The following OXR1 variants were observed in gnomAD, a reference collection of about 807,000 sequenced individuals.
OXR1 encodes the protein oxidation resistance 1, also known as oxidation resistance protein 1.
OXR1 carries 41 observed loss-of-function variants against 104.6 expected under a neutral mutation model. That is an observed-to-expected ratio of 0.39 (90% CI 0.31 to 0.51). The LOEUF (loss-of-function observed/expected upper bound fraction) is 0.51, where lower values mean the gene tolerates loss of function less well. Among genes scored for constraint, OXR1 ranks in the 20% least tolerant of loss-of-function variants. OXR1 has a pLI of 0.77. For synonymous variants in OXR1, 348 were observed against 348.4 expected (o/e 1.00, Z 0.01); for missense variants, 955 against 1,031.9 (o/e 0.93, Z 1.02).
At chr8:106,377,608 A>G (rs1816960433) in intron 2 of OXR1, among the ~76,000 whole-genome samples, 1 of 152,170 alleles carries the variant, frequency 6.6e-6, no homozygotes, top group Non-Finnish European at 1.5e-5. Context: ...GCCATGTTCT[A>G]TTTGCTAATC....
At chr8:106,675,140 C>A (rs961837094) in intron 3 of OXR1, among the ~76,000 whole-genome samples, 1 of 152,062 alleles carries the variant, frequency 6.6e-6, no homozygotes, top group Non-Finnish European at 1.5e-5. Context: ...TTTGTATGAG[C>A]CTAATAACAT....
intron 6 of OXR1, among the ~76,000 whole-genome samples, chr8:106,689,936 G>T (rs1829109716): frequency 6.6e-6 from 1 of 151,582 alleles, no homozygotes; most frequent in Admixed American, 6.6e-5. Flanking sequence ...CTGTGCTTCA[G>T]GAATTGCTTT....
chr8:106,286,838 A>G (rs750906964), intron 1 of OXR1, among the ~76,000 whole-genome samples: 2 of 152,236 alleles, frequency 1.3e-5, no homozygotes, highest in African/African-American at 2.4e-5. Context: ...AATGGTCTCT[A>G]ACATGAATAA....
At chr8:106,342,185 C>T (rs1257973617) in intron 1 of OXR1, among the ~76,000 whole-genome samples, 1 of 151,790 alleles carries the variant, frequency 6.6e-6, no homozygotes, top group Non-Finnish European at 1.5e-5. Flanking sequence ...CCGTCTATAT[C>T]CTTAATCTGA....
chr8:106,476,539 T>C (rs1456768249), intron 2 of OXR1, among the ~76,000 whole-genome samples: 3 of 151,944 alleles, frequency 2.0e-5, no homozygotes, highest in African/African-American at 7.2e-5. Context: ...TTCCTGCCTT[T>C]AATCCTGGTG....
At chr8:106,271,223 A>G (rs1045577321) in intron 1 of OXR1, among the ~76,000 whole-genome samples, 2 of 152,006 alleles carry the variant, frequency 1.3e-5, no homozygotes, top group Non-Finnish European at 2.9e-5. Context: ...TCTGAGGTTC[A>G]CTTTCACCCC....
At chr8:106,540,091 C>T (rs1205003914) in intron 3 of OXR1, among the ~76,000 whole-genome samples, 1 of 152,120 alleles carries the variant, frequency 6.6e-6, no homozygotes, top group Non-Finnish European at 1.5e-5. Context: ...AACACTTGGA[C>T]TAGCAGCAAT....
At chr8:106,670,085 G>A (rs1405476657) in intron 3 of OXR1, among the ~76,000 whole-genome samples, 2 of 152,092 alleles carry the variant, frequency 1.3e-5, no homozygotes, top group Non-Finnish European at 2.9e-5. Context: ...GGAACTGAGA[G>A]ACCAAAAGGT....
At chr8:106,727,543 A>G (rs889367471) in intron 11 of OXR1, among the ~76,000 whole-genome samples, 3 of 151,982 alleles carry the variant, frequency 2.0e-5, no homozygotes, top group African/African-American at 7.2e-5. Context: ...TCAGCCCGGC[A>G]AGTAGCTGGG....
rs1487661858 is a variant in OXR1 at position 106,698,112 on chromosome 8, T to TG, written c.676-4793dup. 2.2e-5 allele frequency: 16 copies of TG among 738,756 alleles called. No individual in the cohort carries two copies. The Admixed American group carries it at 2.8e-4, about 13-fold the overall frequency. 45.8% of individuals were successfully genotyped at this position (738,756 alleles called of 1,614,324 possible). Reference sequence around the variant, plus strand: ...TGCAGCTGCCGAGCTTCTTCTTACATGCTTATTTTCTACCCAGATATCCTC... The same window carrying TG: ...TGCAGCTGCCGAGCTTCTTCTTACATGGCTTATTTTCTACCCAGATATCCTC... On this transcript the variant is annotated intron_variant, in intron 7 of 16. Coordinates refer to ENST00000517566, the MANE Select transcript of OXR1 (RefSeq NM_001198533.2).
chr8:106,648,807 A>T (rs921481535), intron 3 of OXR1, among the ~76,000 whole-genome samples: 19 of 152,248 alleles, frequency 1.2e-4, no homozygotes, highest in Non-Finnish European at 2.2e-4. Flanking sequence ...TCAACAGATA[A>T]TAATAAATTG....
chr8:106,609,513 CA>C (rs1257853543), intron 3 of OXR1, among the ~76,000 whole-genome samples: 2 of 152,234 alleles, frequency 1.3e-5, no homozygotes, highest in Non-Finnish European at 2.9e-5. Context: ...AAAATTTAAA[CA>C]GAATCAACTA....
intron 2 of OXR1, among the ~76,000 whole-genome samples, chr8:106,421,378 C>A (rs1478172849): frequency 6.6e-6 from 1 of 152,148 alleles, no homozygotes; most frequent in Admixed American, 6.5e-5. Flanking sequence ...TGCCCTAGAA[C>A]TTAATAGTTT....
intron 11 of OXR1, among the ~76,000 whole-genome samples, chr8:106,720,172 G>C (rs1347062034): frequency 6.6e-6 from 1 of 152,124 alleles, no homozygotes; most frequent in African/African-American, 2.4e-5. Flanking sequence ...CTCTAATTCA[G>C]AGCCTATACC....
intron 1 of OXR1, among the ~76,000 whole-genome samples, chr8:106,316,733 T>G (rs1348044481): frequency 2.8e-5 from 3 of 107,738 alleles, no homozygotes; most frequent in African/African-American, 1.0e-4. Flanking sequence ...TCTATCTATC[T>G]ATCTATCTAT....
intron 1 of OXR1, among the ~76,000 whole-genome samples, chr8:106,325,240 C>T (rs1814419371): frequency 6.6e-6 from 1 of 152,150 alleles, no homozygotes; most frequent in Admixed American, 6.5e-5. Flanking sequence ...ATAACATATT[C>T]TGCTAACAGT....
rs200946807 is a variant in OXR1 at position 106,320,680 on chromosome 8, G to T, written c.-138-38796G>T. 1.2e-3 allele frequency among the ~76,000 whole-genome samples: 92 copies of T among 74,526 alleles called. No homozygotes were observed. In the East Asian group the frequency reaches 0.018, roughly 14 times the overall value. 48.9% of individuals were successfully genotyped at this position (74,526 alleles called of 152,430 possible). ...CTTTTTCTCTCATTCTTCTTTTTTTGGGGGGGGCGGGGACAGAGTCTTGCT... is the reference window on the plus strand; with the variant it reads ...CTTTTTCTCTCATTCTTCTTTTTTTTGGGGGGGCGGGGACAGAGTCTTGCT... On this transcript the variant is annotated intron_variant, in intron 1 of 16. Transcript: ENST00000517566.
chr8:106,713,970 A>G lies in OXR1; in HGVS notation c.1941A>G (p.Ala647=). Reference sequence around the variant, plus strand: ...TTGAGGATTCTAGTAATCAAGCAGCAGCCAGAGAATGGGAGGTAAGGAGAA... The same window carrying G: ...TTGAGGATTCTAGTAATCAAGCAGCGGCCAGAGAATGGGAGGTAAGGAGAA... The part of the protein sequence containing the change: ...ETIEDSSNQA[A]AREWEVVSVA... The change falls in exon 11 of 17, where the codon GCA becomes GCG. Residue 647 remains alanine, a synonymous_variant. Transcript: ENST00000517566. 6.3e-7 allele frequency: 1 copy of G among 1,575,976 alleles called. No individual in the cohort carries two copies. Among genetic ancestry groups the G allele is most frequent in the South Asian group, 1.2e-5 (1 of 83,994 alleles).
intron 1 of OXR1, among the ~76,000 whole-genome samples, chr8:106,292,159 G>A (rs1159807842): frequency 1.3e-5 from 2 of 152,250 alleles, no homozygotes; most frequent in Non-Finnish European, 1.5e-5. Flanking sequence ...TTGCAGTATT[G>A]TAGTGCTTGT....
Sources: allele counts gnomAD v4.1 joint callset (sites outside exome capture counted in the v4.1 genomes callset), GRCh38; gene constraint gnomAD v4.1.1; transcripts MANE v1.5; gene names NCBI Gene and HGNC (gene_info 2026-07-23, HGNC 2026-07-21).